Variants in CHST6 observed in about 807,000 individuals in gnomAD.
The protein encoded by CHST6 is N-acetylglucosamine 6-O-sulfotransferase 5.
For synonymous variants in CHST6, 309 were observed against 276.4 expected, an observed-to-expected ratio of 1.12 and a Z score of -1.17; for missense variants, 698 against 586.2, an observed-to-expected ratio of 1.19 and a Z score of -1.97.
chr16:75,491,318 G>A (rs1180361270), intron 1 of CHST6, among the ~76,000 whole-genome samples: 1 of 148,922 alleles, frequency 6.7e-6, no homozygotes, highest in African/African-American at 2.5e-5. Flanking sequence ...TATGGGAGAT[G>A]CACACTGAAG....
Position 75,478,739 on chromosome 16 carries a change from C to T in CHST6, c.1090G>A (p.Glu364Lys). The T allele has an allele frequency of 6.2e-7, 1 of 1,613,550 alleles. No individual in the cohort carries two copies. Among genetic ancestry groups the T allele is most frequent in the Non-Finnish European group, 8.5e-7 (1 of 1,180,026 alleles). Residue 364 changes from glutamate (E) to lysine (K), a missense_variant, in exon 3 of 3, where the codon GAG becomes AAG. Transcript: ENST00000332272. ...QLLGYRPVYS[E>K]DEQRNLALDL... ...AGGGCGAGGTTGCGCTGCTCGTCCT[C>T]AGAGTACACAGGCCGGTAGCCCAGC...
chr16:75,492,824 G>C (rs566491983), intron 1 of CHST6, among the ~76,000 whole-genome samples: 8 of 152,144 alleles, frequency 5.3e-5, no homozygotes, highest in South Asian at 2.1e-4. Context: ...ACTCCAGTCT[G>C]GGCGACAGAG....
chr16:75,487,483 G>A (rs560198073), intron 1 of CHST6, among the ~76,000 whole-genome samples: 15 of 151,804 alleles, frequency 9.9e-5, no homozygotes, highest in Non-Finnish European at 1.3e-4. Context: ...TGACCAACAC[G>A]GTGAAACCCC....
intron 1 of CHST6, among the ~76,000 whole-genome samples, chr16:75,487,137 C>T (rs965140729): frequency 2.0e-5 from 3 of 152,192 alleles, no homozygotes; most frequent in South Asian, 4.1e-4. Flanking sequence ...CCCCAGTAGC[C>T]CACATGGCTT....
At chr16:75,491,190 A>ATATATATATAT (rs1555501737) in intron 1 of CHST6, among the ~76,000 whole-genome samples, 2 of 50,092 alleles carry the variant, frequency 4.0e-5, no homozygotes, top group Non-Finnish European at 6.0e-5. Flanking sequence ...AAAAAAAAAA[A>ATATATATATAT]ATATATATAT....
At chr16:75,486,600 G>C (rs1305956862) in intron 1 of CHST6, among the ~76,000 whole-genome samples, 2 of 152,202 alleles carry the variant, frequency 1.3e-5, no homozygotes, top group Non-Finnish European at 2.9e-5. Context: ...TGATCACAAG[G>C]GAAGAGGAAA....
chr16:75,482,856 G>T (rs569437767), intron 1 of CHST6, among the ~76,000 whole-genome samples: 3 of 152,224 alleles, frequency 2.0e-5, no homozygotes, highest in African/African-American at 7.2e-5. Flanking sequence ...AGGATGCCCA[G>T]CAGCTCTGTC....
In CHST6 at chr16:75,479,475, G is replaced by A. The variant is rs1486490564; in HGVS notation, c.354C>T (p.Ser118=). Reference sequence around the variant, plus strand: ...GGCTCACGGCCCACTGGAAGAGGTCGGACAGGTTGCGGCGCCAAGGCAGAT... The same window carrying A: ...GGCTCACGGCCCACTGGAAGAGGTCAGACAGGTTGCGGCGCCAAGGCAGAT... ...DAYLPWRRNL[S]DLFQWAVSRA... The change falls in exon 3 of 3, where the codon TCC becomes TCT. Residue 118 remains serine, a synonymous_variant. Coordinates refer to ENST00000332272, the MANE Select transcript of CHST6 (RefSeq NM_021615.5). 1.2e-6 allele frequency: 2 copies of A among 1,612,898 alleles called. No individual in the cohort carries two copies. Among genetic ancestry groups the A allele is most frequent in the East Asian group, 2.2e-5 (1 of 44,862 alleles).
intron 1 of CHST6, among the ~76,000 whole-genome samples, chr16:75,482,552 C>A (rs1488691307): frequency 2.6e-5 from 4 of 152,122 alleles, no homozygotes; most frequent in Non-Finnish European, 5.9e-5. Flanking sequence ...ACAGCAACAA[C>A]AACAAAAATG....
chr16:75,492,109 A>C (rs1197349280), intron 1 of CHST6, among the ~76,000 whole-genome samples: 1 of 152,270 alleles, frequency 6.6e-6, no homozygotes, highest in African/African-American at 2.4e-5. Context: ...ATCTGCCTTC[A>C]AAATCTACTG....
chr16:75,491,949 G>A (rs2151674384), intron 1 of CHST6, among the ~76,000 whole-genome samples: 1 of 152,248 alleles, frequency 6.6e-6, no homozygotes, highest in South Asian at 2.1e-4. Flanking sequence ...CAGGACTGTG[G>A]GCTGGGCCAG....
chr16:75,488,413 G>A (rs1360991395), intron 1 of CHST6, among the ~76,000 whole-genome samples: 1 of 151,398 alleles, frequency 6.6e-6, no homozygotes, highest in Non-Finnish European at 1.5e-5. Context: ...GTTGCAGTGA[G>A]CAGAGATCAT....
Position 75,474,883 on chromosome 16 carries a change from C to CCTCCCGGGTTCAAGCGATTCTCCTGT in CHST6, c.*3757_*3758insACAGGAGAATCGCTTGAACCCGGGAG. ...CGATCTCAGCTCACTGCAATCTCTG[C>CCTCCCGGGTTCAAGCGATTCTCCTGT]CTCCTGGGTTCAAGCGATTCTCCTG... On this transcript the variant is annotated 3_prime_UTR_variant, in exon 3 of 3. Coordinates refer to ENST00000332272, the MANE Select transcript of CHST6 (RefSeq NM_021615.5). The CCTCCCGGGTTCAAGCGATTCTCCTGT allele has an allele frequency of 2.6e-6, 1 of 386,158 alleles. No individual in the cohort carries two copies. Among genetic ancestry groups the CCTCCCGGGTTCAAGCGATTCTCCTGT allele is most frequent in the Middle Eastern group, 6.6e-4 (1 of 1,518 alleles). 23.9% of individuals were successfully genotyped at this position (386,158 alleles called of 1,614,324 possible). A position where few individuals can be genotyped will look rare whatever the true frequency, so the allele number is the denominator to read the frequency against.
Position 75,495,346 on chromosome 16 carries a change from C to T in CHST6, c.-498G>A, listed in dbSNP as rs926254029. 1 of 152,484 alleles carries T rather than the reference C, an allele frequency of 6.6e-6. No individual in the cohort carries two copies. Among genetic ancestry groups the T allele is most frequent in the Non-Finnish European group, 1.5e-5 (1 of 68,278 alleles). 9.4% of individuals were successfully genotyped at this position (152,484 alleles called of 1,614,324 possible). A position where few individuals can be genotyped will look rare whatever the true frequency, so the allele number is the denominator to read the frequency against. ...GGCACTGCGGCCCGCGCCCTCTACT[C>T]CCCGCGCGCCGGCCGGCAACCCTCG... On this transcript the variant is annotated 5_prime_UTR_variant, in exon 1 of 3. Transcript: ENST00000332272.
In CHST6 at chr16:75,478,219, T is replaced by A. The variant is rs538056374; in HGVS notation, c.*422A>T. The A allele has an allele frequency of 5.3e-5, 15 of 283,366 alleles. No homozygotes were observed. Among genetic ancestry groups the A allele is most frequent in the Non-Finnish European group, 1.0e-4 (15 of 145,766 alleles). The allele number at this position is 283,366 out of a possible 1,614,324, so 17.6% of individuals were successfully genotyped here. ...TTTGCCATGTGTGCCTGTGTGCATATGTATGTGATGTACAGACCTCTGGAG... is the reference window on the plus strand; with the variant it reads ...TTTGCCATGTGTGCCTGTGTGCATAAGTATGTGATGTACAGACCTCTGGAG... On this transcript the variant is annotated 3_prime_UTR_variant, in exon 3 of 3. Coordinates refer to ENST00000332272, the MANE Select transcript of CHST6 (RefSeq NM_021615.5).
chr16:75,489,180 C>T (rs2080231960), intron 1 of CHST6, among the ~76,000 whole-genome samples: 1 of 151,774 alleles, frequency 6.6e-6, no homozygotes, highest in African/African-American at 2.4e-5. Flanking sequence ...GGGCGGATTA[C>T]CTGAGGTCAG....
chr16:75,472,675 C>A lies in CHST6; in HGVS notation c.*5966G>T, dbSNP rs1414499348. 6.6e-6 allele frequency: 1 copy of A among 152,226 alleles called. No homozygotes were observed. The highest frequency in any genetic ancestry group is 2.4e-5 in the African/African-American group (1 of 41,434). The allele number at this position is 152,226 out of a possible 1,614,324, so 9.4% of individuals were successfully genotyped here. A position where few individuals can be genotyped will look rare whatever the true frequency, so the allele number is the denominator to read the frequency against. ...TGACAAAGGCACATCAAAGACAAAG[C>A]TAGGGGACACAGGGTCTGTGGTGGC... is the stretch of plus-strand genomic sequence containing the variant. On this transcript the variant is annotated 3_prime_UTR_variant, in exon 3 of 3. Transcript: ENST00000332272.
rs752849355 is a variant in CHST6, at chr16:75,490,201, G to A, written c.-92+4739C>T. Among the ~76,000 whole-genome samples the A allele has an allele frequency of 1.1e-3, 136 of 120,496 alleles. 2 individuals are homozygous for A. Among genetic ancestry groups the A allele is most frequent in the African/African-American group, 4.0e-3 (116 of 29,310 alleles). The allele number at this position is 120,496 out of a possible 152,430, so 79.1% of individuals were successfully genotyped here. Reference sequence around the variant, plus strand: ...AAAAAAAAAAAAAAAAAAAAAGGCCGGGCACAGTGGCTCACGCCTGTAATC... The same window carrying A: ...AAAAAAAAAAAAAAAAAAAAAGGCCAGGCACAGTGGCTCACGCCTGTAATC... On this transcript the variant is annotated intron_variant, in intron 1 of 2. Transcript: ENST00000332272.
intron 1 of CHST6, among the ~76,000 whole-genome samples, chr16:75,482,881 G>T (rs1248493841): frequency 6.6e-6 from 1 of 152,158 alleles, no homozygotes; most frequent in East Asian, 1.9e-4. Context: ...GCCGACTCCA[G>T]ATCCCACAGC....
Sources: gnomAD v4.1 joint callset for allele counts (sites outside exome capture counted in the v4.1 genomes callset) on GRCh38, gnomAD v4.1.1 for gene constraint, MANE v1.5 for transcripts, NCBI Gene and HGNC (gene_info 2026-07-23, HGNC 2026-07-21) for gene names.